The following GABRA3 variants were observed in gnomAD, a reference collection of about 807,000 sequenced individuals.
The protein encoded by GABRA3 is gamma-aminobutyric acid type A receptor subunit alpha3.
GABRA3 carries 10 observed loss-of-function variants against 30.1 expected under a neutral mutation model. The observed-to-expected ratio is 0.33, with a 90% CI of 0.20 to 0.56. The LOEUF (loss-of-function observed/expected upper bound fraction) is 0.56. GABRA3 is among the 20% of genes least tolerant of loss of function. The pLI, the probability that GABRA3 is intolerant of heterozygous loss-of-function variation, is 0.89. For missense variants in GABRA3, 233 were observed against 392.0 expected, an observed-to-expected ratio of 0.59 and a Z score of 3.42; for synonymous variants, 151 against 146.8, an observed-to-expected ratio of 1.03 and a Z score of -0.21.
chrX:152,355,433 G>A (rs1245868448), intron 2 of GABRA3, among the ~76,000 whole-genome samples: 1 of 111,358 alleles, frequency 9.0e-6, no homozygotes, highest in Non-Finnish European at 1.9e-5. Context: ...GACTGGGCAT[G>A]TAACTCCCTG....
chrX:152,334,626 C>G (rs1333093060), intron 3 of GABRA3, among the ~76,000 whole-genome samples: 2 of 111,113 alleles, frequency 1.8e-5, no homozygotes, highest in Non-Finnish European at 3.8e-5. Flanking sequence ...TTTCTGGGCT[C>G]AAGCTATCTT....
chrX:152,223,734 C>T (rs1937885567), intron 6 of GABRA3, among the ~76,000 whole-genome samples: 1 of 109,918 alleles, frequency 9.1e-6, no homozygotes, highest in Admixed American at 9.8e-5. Flanking sequence ...TAGGGTGACA[C>T]TAATCACCCT....
At position 152,354,279 on chromosome X, in the gene GABRA3, T is replaced by C. The variant is rs141759224; in HGVS notation, c.141-8577A>G. On this transcript the variant is annotated intron_variant, in intron 2 of 9. Transcript: ENST00000370314. The stretch of plus-strand genomic sequence containing the variant: ...GCTTTGGCAAGTTACCTGACCTCTC[T>C]CTGTCTCCATATTTTATCTGCAAAG... 6.1e-3 allele frequency among the ~76,000 whole-genome samples: 677 copies of C among 111,687 alleles called. 5 individuals are homozygous for C. Among genetic ancestry groups the C allele is most frequent in the African/African-American group, 0.021 (643 of 30,775 alleles).
chrX:152,372,882 A>T (rs1451952067), intron 1 of GABRA3, among the ~76,000 whole-genome samples: 1 of 111,572 alleles, frequency 9.0e-6, no homozygotes, highest in Non-Finnish European at 1.9e-5. Context: ...ACATGTGCAT[A>T]CTCCCATATA....
At chrX:152,277,264 G>GT (rs56972693) in intron 4 of GABRA3, among the ~76,000 whole-genome samples, 17,331 of 106,228 alleles carry the variant, frequency 0.16, 1,360 homozygotes, top group African/African-American at 0.3. Context: ...TTAATTAACA[G>GT]TTTTTTTTTT....
intron 1 of GABRA3, among the ~76,000 whole-genome samples, chrX:152,448,970 T>G (rs957888139): frequency 3.6e-5 from 4 of 111,205 alleles, no homozygotes; most frequent in African/African-American, 6.6e-5. Context: ...TCTAGAAAAC[T>G]CCGTAGGGTC....
At chrX:152,207,803 T>C (rs980407010) in intron 7 of GABRA3, among the ~76,000 whole-genome samples, 198 bp downstream of exon 7, 1 of 112,101 alleles carries the variant, frequency 8.9e-6, no homozygotes, top group Non-Finnish European at 1.9e-5. Flanking sequence ...ATCTGACAAG[T>C]GTTCATTTTC....
intron 1 of GABRA3, among the ~76,000 whole-genome samples, chrX:152,410,987 G>T (rs1314285005): frequency 9.0e-6 from 1 of 111,497 alleles, no homozygotes; most frequent in Admixed American, 9.6e-5. Flanking sequence ...TCACCAAACA[G>T]AAATTATCAA....
At chrX:152,224,274 G>C (rs574091333) in intron 6 of GABRA3, among the ~76,000 whole-genome samples, 23 of 111,892 alleles carry the variant, frequency 2.1e-4, no homozygotes, top group African/African-American at 5.8e-4. Context: ...ACAGCTACTG[G>C]AAAAGGTAAT....
intron 5 of GABRA3, among the ~76,000 whole-genome samples, chrX:152,228,971 C>T (rs1938017038): frequency 9.0e-6 from 1 of 111,262 alleles, no homozygotes; most frequent in African/African-American, 3.3e-5. Flanking sequence ...TCACTATCAT[C>T]ATTATTATTT....
rs11358143 is a variant in GABRA3 at position 152,331,183 on chromosome X, G to GA, written c.262+14397dup. On this transcript the variant is annotated intron_variant, in intron 3 of 9. Coordinates refer to ENST00000370314, the MANE Select transcript of GABRA3 (RefSeq NM_000808.4). ...ATCACATAAAAACAGACTTTGGAAG[G>GA]AAAAAAAAAAAAAAGCCAACTCTCC... 2.6e-3 allele frequency among the ~76,000 whole-genome samples: 230 copies of GA among 88,700 alleles called. 1 individual carries two copies. Among genetic ancestry groups the GA allele is most frequent in the African/African-American group, 7.5e-3 (187 of 24,911 alleles). 77.0% of individuals were successfully genotyped at this position (88,700 alleles called of 115,157 possible). A position where few individuals can be genotyped will look rare whatever the true frequency, so the allele number is the denominator to read the frequency against.
At chrX:152,196,519 G>A (rs928898323) in intron 8 of GABRA3, among the ~76,000 whole-genome samples, 8 of 110,972 alleles carry the variant, frequency 7.2e-5, no homozygotes, top group Non-Finnish European at 1.3e-4. Context: ...TATAAAGGAA[G>A]CTTTTTCAGG....
chrX:152,415,496 T>G (rs1439541400), intron 1 of GABRA3, among the ~76,000 whole-genome samples: 1 of 110,537 alleles, frequency 9.0e-6, no homozygotes. Flanking sequence ...ACATGAGGGG[T>G]TTTATATTTA....
intron 3 of GABRA3, among the ~76,000 whole-genome samples, chrX:152,290,876 T>A (rs901666547): frequency 4.9e-4 from 55 of 111,912 alleles, no homozygotes; most frequent in African/African-American, 1.7e-3. Context: ...GGTCTATATA[T>A]CTGTTTTGGT....
In GABRA3 at chrX:152,248,497, A is replaced by C. The variant is rs1269002200; in HGVS notation, c.551+7281T>G. Among the ~76,000 whole-genome samples the C allele has an allele frequency of 4.5e-5, 5 of 111,517 alleles. No homozygotes were observed. In the East Asian group the frequency reaches 1.4e-3, roughly 31 times the overall value. ...AAAACTTAAAGTATAATAATAATAA[A>C]ATTTAAAAAAAAAAGAAAACCATGT... is the stretch of plus-strand genomic sequence containing the variant. On this transcript the variant is annotated intron_variant, in intron 5 of 9. Transcript: ENST00000370314.
chrX:152,208,454 A>AG (rs1418153454), intron 6 of GABRA3, among the ~76,000 whole-genome samples: 5 of 111,974 alleles, frequency 4.5e-5, no homozygotes, highest in African/African-American at 1.6e-4. Flanking sequence ...CAGTAGGGGC[A>AG]GGGGGAGGAA....
intron 5 of GABRA3, among the ~76,000 whole-genome samples, chrX:152,243,216 G>A (rs1938409781): frequency 9.0e-6 from 1 of 111,575 alleles, no homozygotes; most frequent in Non-Finnish European, 1.9e-5. Context: ...GGAGATGTTG[G>A]TCAAAGAATA....
At chrX:152,400,408 C>T (rs1168383564) in intron 1 of GABRA3, among the ~76,000 whole-genome samples, 2 of 111,161 alleles carry the variant, frequency 1.8e-5, no homozygotes, top group Non-Finnish European at 3.8e-5. Context: ...ACTTGGAAGG[C>T]TGAGGCGGGA....
intron 2 of GABRA3, among the ~76,000 whole-genome samples, chrX:152,352,434 T>C (rs970659417): frequency 1.8e-5 from 2 of 111,704 alleles, no homozygotes; most frequent in Non-Finnish European, 3.8e-5. Context: ...ACATTATCTT[T>C]TAGGCAATGG....
Sources: gnomAD v4.1 joint callset for allele counts (sites outside exome capture counted in the v4.1 genomes callset) on GRCh38, gnomAD v4.1.1 for gene constraint, MANE v1.5 for transcripts, NCBI Gene and HGNC (gene_info 2026-07-23, HGNC 2026-07-21) for gene names.